The following GRM1 variants were observed in gnomAD, a reference collection of about 807,000 sequenced individuals.
The protein encoded by GRM1 is metabotropic glutamate receptor 1.
GRM1 carries 33 observed loss-of-function variants against 90.9 expected under a neutral mutation model. That is an observed-to-expected ratio of 0.36 (90% CI 0.28 to 0.49). The LOEUF is 0.49. Ranked by LOEUF, GRM1 falls within the 20% of genes least tolerant of loss-of-function variation. The pLI is 0.99. For synonymous variants in GRM1, 700 were observed against 613.2 expected (o/e 1.14, Z -2.09); for missense variants, 1,190 against 1,534.3 (o/e 0.78, Z 3.75).
chr6:146,214,043 C>T (rs1269696175), intron 2 of GRM1, among the ~76,000 whole-genome samples: 1 of 152,096 alleles, frequency 6.6e-6, no homozygotes, highest in Non-Finnish European at 1.5e-5. Flanking sequence ...GAGTCCAATT[C>T]ACCCTTTTTT....
intron 6 of GRM1, among the ~76,000 whole-genome samples, chr6:146,391,409 C>T (rs1776716499): frequency 6.6e-6 from 1 of 151,984 alleles, no homozygotes; most frequent in Non-Finnish European, 1.5e-5. Flanking sequence ...CCTCAAGTTC[C>T]CAAGGTTCAG....
chr6:146,417,046 T>C (rs533796311), intron 7 of GRM1, among the ~76,000 whole-genome samples: 2 of 152,354 alleles, frequency 1.3e-5, no homozygotes, highest in African/African-American at 4.8e-5. Context: ...TTCAAAATTT[T>C]ATGTCTACAG....
chr6:146,332,524 T>C (rs1784619565), intron 3 of GRM1, among the ~76,000 whole-genome samples: 1 of 152,184 alleles, frequency 6.6e-6, no homozygotes, highest in African/African-American at 2.4e-5. Flanking sequence ...GTGCTTCCAA[T>C]CCTTACATTT....
chr6:146,138,726 G>A (rs1404679372), intron 1 of GRM1, among the ~76,000 whole-genome samples: 2 of 151,506 alleles, frequency 1.3e-5, no homozygotes, highest in African/African-American at 4.8e-5. Flanking sequence ...AGCCTTATCT[G>A]CTTTTTTTTA....
At chr6:146,061,154 T>C (rs887441690) in intron 1 of GRM1, among the ~76,000 whole-genome samples, 21 of 152,156 alleles carry the variant, frequency 1.4e-4, no homozygotes, top group African/African-American at 4.8e-4. Flanking sequence ...TATATGGGCA[T>C]GGTTCATGGT....
Position 146,057,650 on chromosome 6 carries a change from G to A in GRM1, c.700+27433G>A, listed in dbSNP as rs76221904. ...ATAAAGCAGCTTGTTGAATCCTAAA[G>A]AATTGCATAATTCTTTGGGATTTGG... On this transcript the variant is annotated intron_variant, in intron 1 of 7. Coordinates refer to ENST00000282753, the MANE Select transcript of GRM1 (RefSeq NM_001278064.2). 4.0e-3 allele frequency among the ~76,000 whole-genome samples: 613 copies of A among 152,146 alleles called. 18 individuals carry two copies. In the East Asian group the frequency reaches 0.071, roughly 18 times the overall value.
At chr6:146,290,313 T>G (rs1305910205) in intron 2 of GRM1, among the ~76,000 whole-genome samples, 3 of 152,176 alleles carry the variant, frequency 2.0e-5, no homozygotes, top group Non-Finnish European at 4.4e-5. Flanking sequence ...AACATTTTCT[T>G]GACGTACACA....
At chr6:146,264,355 A>G (rs2114800874) in intron 2 of GRM1, among the ~76,000 whole-genome samples, 2 of 152,260 alleles carry the variant, frequency 1.3e-5, no homozygotes, top group African/African-American at 4.8e-5. Context: ...TATTTCTATC[A>G]TAAATTTAAT....
intron 1 of GRM1, among the ~76,000 whole-genome samples, chr6:146,119,652 T>C (rs987761979): frequency 2.0e-5 from 3 of 152,246 alleles, no homozygotes; most frequent in African/African-American, 7.2e-5. Flanking sequence ...TTCAGCTTTC[T>C]ACATATGATT....
chr6:146,431,607 AACAC>A (rs3838249), intron 7 of GRM1, among the ~76,000 whole-genome samples: 1 of 151,622 alleles, frequency 6.6e-6, no homozygotes, highest in East Asian at 1.9e-4. Context: ...TTGTTGTTTT[AACAC>A]ACACACACAC....
intron 3 of GRM1, among the ~76,000 whole-genome samples, chr6:146,331,872 G>A (rs577892727): frequency 1.3e-5 from 2 of 152,050 alleles, no homozygotes; most frequent in Non-Finnish European, 2.9e-5. Context: ...CTTGAAGAAC[G>A]GCCTTAAGGT....
chr6:146,238,873 A>G (rs1373390605), intron 2 of GRM1, among the ~76,000 whole-genome samples: 2 of 152,148 alleles, frequency 1.3e-5, no homozygotes, highest in Non-Finnish European at 2.9e-5. Flanking sequence ...ACTTTTCACA[A>G]AACTCCTTGT....
At chr6:146,178,028 T>C (rs892867041) in intron 2 of GRM1, among the ~76,000 whole-genome samples, 8 of 152,192 alleles carry the variant, frequency 5.3e-5, no homozygotes, top group African/African-American at 1.7e-4. Context: ...AGAGTACATT[T>C]GTTACAATTA....
intron 5 of GRM1, among the ~76,000 whole-genome samples, chr6:146,361,890 A>G (rs554907661): frequency 6.6e-6 from 1 of 152,344 alleles, no homozygotes; most frequent in East Asian, 1.9e-4. Context: ...ATAGCTCACA[A>G]TAAAATCATA....
intron 2 of GRM1, among the ~76,000 whole-genome samples, chr6:146,302,307 G>C (rs1783417081): frequency 6.7e-6 from 1 of 149,134 alleles, no homozygotes; most frequent in African/African-American, 2.5e-5. Flanking sequence ...CACACAAGCA[G>C]GCACACGTGT....
At chr6:146,310,553 G>C (rs1783737030) in intron 3 of GRM1, among the ~76,000 whole-genome samples, 1 of 152,136 alleles carries the variant, frequency 6.6e-6, no homozygotes, top group African/African-American at 2.4e-5. Flanking sequence ...TTGTATCCAT[G>C]CTCTTTGAAA....
intron 2 of GRM1, among the ~76,000 whole-genome samples, chr6:146,290,039 C>G (rs779982661): frequency 6.6e-6 from 1 of 152,174 alleles, no homozygotes; most frequent in Non-Finnish European, 1.5e-5. Context: ...GGGAAATGCT[C>G]AGCCTGTCCA....
chr6:146,365,693 CTT>C (rs1775657183), intron 5 of GRM1, among the ~76,000 whole-genome samples: 1 of 152,286 alleles, frequency 6.6e-6, no homozygotes, highest in South Asian at 2.1e-4. Context: ...CTAGAACACT[CTT>C]TCACCAGATA....
At chr6:146,350,369 T>A (rs1785357906) in intron 3 of GRM1, among the ~76,000 whole-genome samples, 1 of 150,950 alleles carries the variant, frequency 6.6e-6, no homozygotes, top group Non-Finnish European at 1.5e-5. Context: ...GACCCTGTTG[T>A]TGGTTGTAAT....
Sources: allele counts gnomAD v4.1 joint callset (sites outside exome capture counted in the v4.1 genomes callset), GRCh38; gene constraint gnomAD v4.1.1; transcripts MANE v1.5; gene names NCBI Gene and HGNC (gene_info 2026-07-23, HGNC 2026-07-21).